Variants in CFAP54 observed in about 807,000 individuals in gnomAD.
CFAP54 encodes the protein cilia- and flagella-associated protein 54.
A neutral mutation model predicts 370.4 loss-of-function variants in CFAP54; 290 were observed. The ratio of observed to expected loss-of-function variants is 0.78; its 90% CI spans 0.71 to 0.86. The LOEUF (loss-of-function observed/expected upper bound fraction) is 0.86, where lower values mean the gene tolerates loss of function less well. Ranked by LOEUF, CFAP54 falls within the 40% of genes least tolerant of loss-of-function variation. CFAP54 has a pLI of 0.00. For missense variants in CFAP54, 3,399 were observed against 3,528.7 expected (o/e 0.96, Z 0.93); for synonymous variants, 1,206 against 1,236.5 (o/e 0.98, Z 0.52).
intron 67 of CFAP54, among the ~76,000 whole-genome samples, chr12:96,862,629 A>G (rs1308131316): frequency 1.3e-5 from 2 of 152,232 alleles, no homozygotes; most frequent in East Asian, 3.8e-4. Flanking sequence ...ATAGGAAACC[A>G]TCTTTTAATG....
chr12:96,781,341 T>G (rs1168266148), intron 60 of CFAP54, among the ~76,000 whole-genome samples: 1 of 152,172 alleles, frequency 6.6e-6, no homozygotes, highest in Non-Finnish European at 1.5e-5. Context: ...TATGGCCTTA[T>G]TTAGAGACTG....
intron 39 of CFAP54, among the ~76,000 whole-genome samples, chr12:96,664,765 C>CTA (rs1209615152): frequency 1.4e-5 from 1 of 73,618 alleles, no homozygotes; most frequent in South Asian, 5.3e-4. Context: ...CTATATATAT[C>CTA]TATATCTATA....
chr12:96,803,601 A>C (rs1958846611), intron 63 of CFAP54, among the ~76,000 whole-genome samples: 1 of 152,166 alleles, frequency 6.6e-6, no homozygotes, highest in South Asian at 2.1e-4. Flanking sequence ...ACCCTAAGCC[A>C]CCAAGGAAAC....
At chr12:96,826,985 A>G (rs1209481682) in intron 65 of CFAP54, among the ~76,000 whole-genome samples, 1 of 137,276 alleles carries the variant, frequency 7.3e-6, no homozygotes, top group Non-Finnish European at 1.5e-5. Context: ...ATTATATATA[A>G]TATGCAATTA....
At chr12:96,758,334 G>T (rs1958289561) in intron 58 of CFAP54, among the ~76,000 whole-genome samples, 2 of 152,164 alleles carry the variant, frequency 1.3e-5, no homozygotes, top group African/African-American at 4.8e-5. Context: ...TGTGGCTGGG[G>T]AGGCCTCACA....
intron 20 of CFAP54, among the ~76,000 whole-genome samples, chr12:96,579,884 A>G (rs1169553696): frequency 1.3e-5 from 2 of 151,794 alleles, no homozygotes; most frequent in African/African-American, 2.4e-5. Flanking sequence ...TTTATTTAAA[A>G]TATAAAATTA....
intron 32 of CFAP54, among the ~76,000 whole-genome samples, chr12:96,634,350 G>A (rs116356841): frequency 0.019 from 2,850 of 151,922 alleles, 102 homozygotes; most frequent in African/African-American, 0.066. Context: ...CACCGTGCCC[G>A]GCCAAACATC....
intron 63 of CFAP54, among the ~76,000 whole-genome samples, chr12:96,799,053 T>G (rs1022540667): frequency 6.6e-6 from 1 of 152,198 alleles, no homozygotes; most frequent in Non-Finnish European, 1.5e-5. Flanking sequence ...ATCTATACCT[T>G]TATTCATATC....
At chr12:96,664,743 A>C (rs372217783) in intron 39 of CFAP54, among the ~76,000 whole-genome samples, 40,414 of 78,106 alleles carry the variant, frequency 0.52, 8,757 homozygotes, top group Admixed American at 0.55. Flanking sequence ...ATATATCTAT[A>C]TATATATATA....
At chr12:96,676,912 C>T (rs1276391059) in intron 39 of CFAP54, among the ~76,000 whole-genome samples, 3 of 152,120 alleles carry the variant, frequency 2.0e-5, no homozygotes, top group Non-Finnish European at 2.9e-5. Context: ...TAACCGTCTG[C>T]GAGCCAGGGA....
rs189055593 is a variant in CFAP54 at position 96,797,640 on chromosome 12, C to T, written c.8850+5141C>T. Among the ~76,000 whole-genome samples the T allele has an allele frequency of 4.8e-3, 737 of 152,040 alleles. 3 individuals carry two copies. Among genetic ancestry groups the T allele is most frequent in the African/African-American group, 0.017 (695 of 41,504 alleles). ...ACCTTTTTGTAATAATGTTCACTTT[C>T]CCATAAAGCCTGCTTTATCTGATGC... On this transcript the variant is annotated intron_variant, in intron 63 of 67. Coordinates refer to ENST00000524981, the MANE Select transcript of CFAP54 (RefSeq NM_001306084.2).
intron 6 of CFAP54, among the ~76,000 whole-genome samples, chr12:96,521,567 C>T (rs1052673123): frequency 6.6e-6 from 1 of 150,820 alleles, no homozygotes; most frequent in Non-Finnish European, 1.5e-5. Context: ...CACATGAGGA[C>T]GTGCGGTGCC....
chr12:96,514,342 T>G (rs1338393996), intron 5 of CFAP54, among the ~76,000 whole-genome samples: 1 of 152,232 alleles, frequency 6.6e-6, no homozygotes, highest in Non-Finnish European at 1.5e-5. Flanking sequence ...TTATGTGTTC[T>G]CTCTCTGTTT....
At chr12:96,687,892 A>G (rs1957345220) in intron 42 of CFAP54, among the ~76,000 whole-genome samples, 1 of 152,174 alleles carries the variant, frequency 6.6e-6, no homozygotes, top group African/African-American at 2.4e-5. Context: ...GAGCTTCTGA[A>G]GTTATTACCA....
At chr12:96,797,294 C>T (rs11108698) in intron 63 of CFAP54, among the ~76,000 whole-genome samples, 46,538 of 151,738 alleles carry the variant, frequency 0.31, 7,527 homozygotes, top group South Asian at 0.54. Flanking sequence ...AGAATATGTA[C>T]TCTTCAGTTG....
At chr12:96,603,045 A>G (rs1244798768) in intron 26 of CFAP54, among the ~76,000 whole-genome samples, 1 of 152,056 alleles carries the variant, frequency 6.6e-6, no homozygotes, top group Non-Finnish European at 1.5e-5. Context: ...CACTTTCTTC[A>G]TAGTGTCAAT....
At chr12:96,756,123 A>G (rs1438581196) in intron 56 of CFAP54, among the ~76,000 whole-genome samples, 3 of 152,158 alleles carry the variant, frequency 2.0e-5, no homozygotes, top group African/African-American at 7.2e-5. Context: ...AGGAGAATGC[A>G]TGTCAAAAAA....
At chr12:96,841,103 T>C (rs1332592549) in intron 66 of CFAP54, among the ~76,000 whole-genome samples, 1 of 152,192 alleles carries the variant, frequency 6.6e-6, no homozygotes, top group Non-Finnish European at 1.5e-5. Flanking sequence ...TTTTGTTAGA[T>C]GTGCAATTTG....
At chr12:96,857,156 C>G (rs1959726972) in intron 66 of CFAP54, among the ~76,000 whole-genome samples, 1 of 152,190 alleles carries the variant, frequency 6.6e-6, no homozygotes, top group Non-Finnish European at 1.5e-5. Context: ...ATTCAATTAC[C>G]TCCCACCGGG....
Sources: allele counts gnomAD v4.1 joint callset (sites outside exome capture counted in the v4.1 genomes callset), GRCh38; gene constraint gnomAD v4.1.1; transcripts MANE v1.5; gene names NCBI Gene and HGNC (gene_info 2026-07-23, HGNC 2026-07-21).